The following BCAS3 variants were observed in gnomAD, a reference collection of about 807,000 sequenced individuals.
BCAS3 encodes BCAS3 microtubule associated cell migration factor.
A neutral mutation model predicts 116.1 loss-of-function variants in BCAS3; 53 were observed. That is an observed-to-expected ratio of 0.46 (90% CI 0.37 to 0.57). The LOEUF (loss-of-function observed/expected upper bound fraction) is 0.57. Ranked by LOEUF, BCAS3 falls within the 20% of genes least tolerant of loss-of-function variation. The pLI, the probability that BCAS3 is intolerant of heterozygous loss-of-function variation, is 0.00. For missense variants in BCAS3, 917 were observed against 1,165.4 expected (o/e 0.79, Z 3.10); for synonymous variants, 391 against 408.2 (o/e 0.96, Z 0.51).
chr17:61,006,213 A>G (rs532719617), intron 15 of BCAS3, among the ~76,000 whole-genome samples: 34 of 152,220 alleles, frequency 2.2e-4, no homozygotes, highest in Non-Finnish European at 4.1e-4. Flanking sequence ...CTTCGATTTT[A>G]TATTAAATTG....
intron 22 of BCAS3, among the ~76,000 whole-genome samples, chr17:61,236,845 TC>T (rs1393126825): frequency 1.3e-5 from 2 of 151,902 alleles, no homozygotes; most frequent in Non-Finnish European, 2.9e-5. Context: ...TAAATGTGGC[TC>T]TAAAAGTGGT....
intron 16 of BCAS3, among the ~76,000 whole-genome samples, chr17:61,022,601 T>G (rs1784040435): frequency 6.6e-6 from 1 of 152,132 alleles, no homozygotes; most frequent in South Asian, 2.1e-4. Context: ...TGACATTATT[T>G]ATGTTATGTT....
intron 22 of BCAS3, among the ~76,000 whole-genome samples, chr17:61,166,387 C>CTTTTTT: frequency 1.3e-5 from 1 of 77,070 alleles, no homozygotes; most frequent in Non-Finnish European, 2.5e-5. Context: ...CTCTCTCTCT[C>CTTTTTT]TCTCTTTTTT....
In BCAS3 at chr17:61,217,604, T is replaced by C. The variant is rs2081874915; in HGVS notation, c.2425+133040T>C. Reference sequence around the variant, plus strand: ...TGGAGCTATTAAAGGAGTGGGCAAATAAATGAAGGGCATATTCCCAGGACC... The same window carrying C: ...TGGAGCTATTAAAGGAGTGGGCAAACAAATGAAGGGCATATTCCCAGGACC... On this transcript the variant is annotated intron_variant, in intron 22 of 23. Transcript: ENST00000407086. This position sits in a 1 kb window ranked among gnomAD's most constrained non-coding sequence, Gnocchi z 5.2. Among the ~76,000 whole-genome samples, 1 of 152,028 alleles carries C rather than the reference T, an allele frequency of 6.6e-6. No homozygotes were observed.
rs773158766 is a variant in BCAS3 at position 61,243,417 on chromosome 17, A to T, written c.2426-124910A>T. 3.3e-4 allele frequency among the ~76,000 whole-genome samples: 50 copies of T among 152,198 alleles called. No individual in the cohort carries two copies. The highest frequency in any genetic ancestry group is 5.9e-5 in the Non-Finnish European group (4 of 68,030). On this transcript the variant is annotated intron_variant, in intron 22 of 23. Coordinates refer to ENST00000407086, the MANE Select transcript of BCAS3 (RefSeq NM_017679.5). This position sits in a 1 kb window ranked among gnomAD's most constrained non-coding sequence, Gnocchi z 5.6. ...TGCTTCTACATCTTGACTATTGTGC[A>T]TAATGCTACAGTGAACGTTCCATAC...
At chr17:61,314,502 A>G (rs574981759) in intron 22 of BCAS3, among the ~76,000 whole-genome samples, 22 of 152,344 alleles carry the variant, frequency 1.4e-4, no homozygotes, top group Admixed American at 3.3e-4. Flanking sequence ...TAAGCCTGCA[A>G]CAGCCCTCCT....
intron 13 of BCAS3, among the ~76,000 whole-genome samples, chr17:60,943,747 T>G (rs2060341258): frequency 6.6e-6 from 1 of 152,080 alleles, no homozygotes; most frequent in South Asian, 2.1e-4. Flanking sequence ...GGAACAAGGA[T>G]CATATTTCAA....
chr17:60,795,073 C>A (rs2047097804), intron 6 of BCAS3, among the ~76,000 whole-genome samples: 1 of 152,136 alleles, frequency 6.6e-6, no homozygotes, highest in Non-Finnish European at 1.5e-5. Flanking sequence ...TTTTTGTCAT[C>A]TGTGATTTCT....
chr17:60,969,907 T>C (rs1299591183), intron 14 of BCAS3, among the ~76,000 whole-genome samples: 1 of 152,140 alleles, frequency 6.6e-6, no homozygotes, highest in Non-Finnish European at 1.5e-5. Context: ...GAATAAAATA[T>C]TGGCCACCTG....
In BCAS3 at chr17:61,281,397, A is replaced by C. The variant is rs1246982647; in HGVS notation, c.2426-86930A>C. ...GTGACCTAGGAATTTTTTGTAATTT[A>C]ATTATTTAATGTCAAATTTTCCATC... On this transcript the variant is annotated intron_variant, in intron 22 of 23. Coordinates refer to ENST00000407086, the MANE Select transcript of BCAS3 (RefSeq NM_017679.5). This position sits in a 1 kb window ranked among gnomAD's most constrained non-coding sequence, Gnocchi z 4.2. Among the ~76,000 whole-genome samples the C allele has an allele frequency of 1.3e-5, 2 of 152,140 alleles. No homozygotes were observed. Among genetic ancestry groups the C allele is most frequent in the Non-Finnish European group, 2.9e-5 (2 of 68,014 alleles).
rs1276991030 is a variant in BCAS3 at position 60,889,068 on chromosome 17, A to T, written c.662-627A>T. On this transcript the variant is annotated intron_variant, in intron 9 of 23. Coordinates refer to ENST00000407086, the MANE Select transcript of BCAS3 (RefSeq NM_017679.5). ...ATCAAGTTGGAGGAAGATAGAAAAT[A>T]AACAGTAAATATATGTCATAGAACA... Among the ~76,000 whole-genome samples the T allele has an allele frequency of 3.3e-5, 5 of 152,234 alleles. No individual in the cohort carries two copies. The East Asian group carries it at 9.6e-4, about 29-fold the overall frequency.
intron 2 of BCAS3, among the ~76,000 whole-genome samples, chr17:60,683,764 C>T (rs1186657967): frequency 2.0e-5 from 3 of 150,536 alleles, no homozygotes; most frequent in Non-Finnish European, 3.0e-5. Context: ...CCCCGGAGGT[C>T]GAGGGAGCAG....
chr17:60,860,869 A>G (rs1392670526), intron 7 of BCAS3, among the ~76,000 whole-genome samples: 1 of 152,200 alleles, frequency 6.6e-6, no homozygotes, highest in Non-Finnish European at 1.5e-5. Context: ...TTGTATCAGT[A>G]CCATGCTATT....
intron 5 of BCAS3, among the ~76,000 whole-genome samples, chr17:60,710,473 C>G (rs2037729666): frequency 6.6e-6 from 1 of 150,722 alleles, no homozygotes; most frequent in Non-Finnish European, 1.5e-5. Context: ...ACTCTGTTGC[C>G]CAGGCTGGAG....
rs1004385017 is a variant in BCAS3, at chr17:61,042,035, CGT to C, written c.2029+1148_2029+1149del. ...ATAAATTGAACTGTGAGAGCAGTGA[CGT>C]GTGTTGCCTATGGCATCACAGACGG... On this transcript the variant is annotated intron_variant, in intron 19 of 23. Coordinates refer to ENST00000407086, the MANE Select transcript of BCAS3 (RefSeq NM_017679.5). 1.9e-4 allele frequency among the ~76,000 whole-genome samples: 29 copies of C among 152,098 alleles called. No homozygotes were observed. In the East Asian group the frequency reaches 5.4e-3, roughly 28 times the overall value.
chr17:61,178,809 CT>C (rs2079300610), intron 22 of BCAS3, among the ~76,000 whole-genome samples: 1 of 152,138 alleles, frequency 6.6e-6, no homozygotes, highest in Non-Finnish European at 1.5e-5. Context: ...ATTTAACACC[CT>C]GGGTGTAGCC....
chr17:60,753,379 C>CTTATT (rs1230051823), intron 6 of BCAS3, among the ~76,000 whole-genome samples: 1 of 131,192 alleles, frequency 7.6e-6, no homozygotes, highest in Non-Finnish European at 1.6e-5. Flanking sequence ...TTATTTGTCT[C>CTTATT]TTATTTTATT....
intron 22 of BCAS3, among the ~76,000 whole-genome samples, chr17:61,210,499 T>A (rs1327614990): frequency 6.6e-6 from 1 of 152,162 alleles, no homozygotes; most frequent in Non-Finnish European, 1.5e-5. Flanking sequence ...CAGTAAGAAG[T>A]AAGGGTTCTG....
intron 6 of BCAS3, among the ~76,000 whole-genome samples, chr17:60,761,812 G>GCC (rs1244301450): frequency 8.5e-6 from 1 of 117,630 alleles, no homozygotes; most frequent in African/African-American, 6.6e-5. Context: ...ACTAGTTTAT[G>GCC]CTTCCACCAA....
Sources: gnomAD v4.1 joint callset for allele counts (sites outside exome capture counted in the v4.1 genomes callset) on GRCh38, gnomAD v4.1.1 for gene constraint, Gnocchi (gnomAD v3.1) non-coding constraint, MANE v1.5 for transcripts, NCBI Gene and HGNC (gene_info 2026-07-23, HGNC 2026-07-21) for gene names.